The following LIPE variants were observed in gnomAD, a reference collection of about 807,000 sequenced individuals.
LIPE encodes the protein hormone-sensitive lipase.
LIPE carries 66 observed loss-of-function variants against 88.5 expected under a neutral mutation model. The ratio of observed to expected loss-of-function variants is 0.75; its 90% CI spans 0.61 to 0.91. The LOEUF (loss-of-function observed/expected upper bound fraction) is 0.91, where lower values mean the gene tolerates loss of function less well. Ranked by LOEUF, LIPE falls within the 40% of genes least tolerant of loss-of-function variation. LIPE has a pLI of 0.00. For missense variants in LIPE, 1,346 were observed against 1,434.7 expected (o/e 0.94, Z 1.00); for synonymous variants, 570 against 617.5 (o/e 0.92, Z 1.14).
Position 42,407,580 on chromosome 19 carries a change from G to A in LIPE, c.1842+26C>T. On this transcript the variant is annotated intron_variant, in intron 5 of 9. Transcript: ENST00000244289. This position sits in a 1 kb window ranked among gnomAD's most constrained non-coding sequence, Gnocchi z 5.8. The stretch of plus-strand genomic sequence containing the variant: ...GCCCACGCTCCTCGGCTCTGTCCCT[G>A]TCCCTGGCTGAGGCTGGAACCCTAC... 1 of 1,592,704 alleles carries A rather than the reference G, an allele frequency of 6.3e-7. No individual in the cohort carries two copies.
In LIPE at chr19:42,403,000, TGCTGCTTCAGACACACTGC is replaced by T; in HGVS notation, c.2555_2573del (p.Arg852HisfsTer17). 1 of 1,593,320 alleles carries T rather than the reference TGCTGCTTCAGACACACTGC, an allele frequency of 6.3e-7. No individual in the cohort carries two copies. The highest frequency in any genetic ancestry group is 1.3e-5 in the African/African-American group (1 of 74,712). On this transcript the variant is annotated frameshift_variant, in exon 9 of 10. Coordinates refer to ENST00000244289, the MANE Select transcript of LIPE (RefSeq NM_005357.4). LOFTEE classifies it high-confidence loss of function. ...CCAGTGGGCCCTGGGGCTGGGCCAGTGCTGCTTCAGACACACTGCGGCGCATCGGCTCTGAGAGAGGGAG... is the reference window on the plus strand; with the variant it reads ...CCAGTGGGCCCTGGGGCTGGGCCAGTGGCGCATCGGCTCTGAGAGAGGGAG...
At chr19:42,418,501 G>A (rs900479621) in intron 1 of LIPE, among the ~76,000 whole-genome samples, 4 of 152,160 alleles carry the variant, frequency 2.6e-5, no homozygotes, top group Non-Finnish European at 5.9e-5. Context: ...AGGATTTGCT[G>A]AAGGCTCAGA....
At chr19:42,413,238 T>A (rs1029169543) in intron 1 of LIPE, among the ~76,000 whole-genome samples, 1 of 152,266 alleles carries the variant, frequency 6.6e-6, no homozygotes, top group African/African-American at 2.4e-5. Context: ...ATCCTGCCAT[T>A]TGACACTTTA....
chr19:42,410,481 G>A lies in LIPE; in HGVS notation c.1245C>T (p.Tyr415=). The change falls in exon 2 of 10, where the codon TAC becomes TAT. Residue 415 remains tyrosine (Y), a synonymous_variant. Transcript: ENST00000244289. This position sits in a 1 kb window ranked among gnomAD's most constrained non-coding sequence, Gnocchi z 6.1. ...TSHNLAELEA[Y]LAALTQLRAL... ...CGCGGAGCTGGGTGAGGGCAGCCAG[G>A]TAGGCCTCCAGCTCGGCCAGGTTGT... The A allele has an allele frequency of 1.2e-6, 2 of 1,614,036 alleles. No individual in the cohort carries two copies. The highest frequency in any genetic ancestry group is 1.7e-6 in the Non-Finnish European group (2 of 1,180,032).
chr19:42,405,816 T>C, intron 7 of LIPE: 1 of 549,718 alleles, frequency 1.8e-6, no homozygotes, highest in Non-Finnish European at 3.2e-6. Context: ...TAGCTGGGCG[T>C]GGTAGTGGTG....
chr19:42,426,450 A>G lies in LIPE; in HGVS notation c.700T>C (p.Ser234Pro), dbSNP rs771107352. ...ALSEWVTDSE[S>P]ESDVGSSSDT... is the part of the protein sequence containing the mutation. ...GAAGATGATCCCACATCTGATTCTG[A>G]CTCAGAATCTGTGACCCACTCAGAA... The change falls in exon 1 of 10, where the codon TCA becomes CCA. Residue 234 changes from serine to proline, a missense_variant. Physicochemically the swap from Ser to Pro is moderately conservative, Grantham distance 74. Coordinates refer to ENST00000244289, the MANE Select transcript of LIPE (RefSeq NM_005357.4). 1.5e-5 allele frequency: 24 copies of G among 1,613,750 alleles called. No homozygotes were observed. In the Admixed American group the frequency reaches 3.2e-4, roughly 21 times the overall value.
intron 1 of LIPE, chr19:42,412,678 C>A: frequency 1.9e-6 from 1 of 519,746 alleles, no homozygotes; most frequent in African/African-American, 2.1e-5. Context: ...AGTCCAGGCC[C>A]CCAGCCCCTT....
At position 42,407,744 on chromosome 19, in the gene LIPE, G is replaced by A; in HGVS notation, c.1704C>T (p.Leu568=). The part of the protein sequence containing the change: ...ASATVRVSRL[L]SLPPEAFEMP... ...TCTCAAAGGCTTCGGGTGGCAGGCT[G>A]AGCAGGCGGCTTACCCTCACGGTGG... Residue 568 remains leucine (L), a synonymous_variant, in exon 5 of 10, where the codon CTC becomes CTT. Transcript: ENST00000244289. This position sits in a 1 kb window ranked among gnomAD's most constrained non-coding sequence, Gnocchi z 5.8. The A allele has an allele frequency of 1.9e-6, 3 of 1,563,210 alleles. No individual in the cohort carries two copies. The highest frequency in any genetic ancestry group is 2.6e-6 in the Non-Finnish European group (3 of 1,155,150).
Position 42,401,938 on chromosome 19 carries a change from C to T in LIPE, c.3105G>A (p.Glu1035=). 3 of 1,556,368 alleles carry T rather than the reference C, an allele frequency of 1.9e-6. No individual in the cohort carries two copies. Among genetic ancestry groups the T allele is most frequent in the South Asian group, 1.2e-5 (1 of 84,674 alleles). ...CGCACAGCTCTGCGGCCTGGCGCGT[C>T]TCGCGGCACAGCGCCGCTAGGGTCA... ...GFLTLAALCR[E]TRQAAELCVE... The change falls in exon 10 of 10, where the codon GAG becomes GAA. Residue 1035 remains glutamate, a synonymous_variant. Transcript: ENST00000244289.
rs2040176007 is a variant in LIPE, at chr19:42,406,151, TG to T, written c.2365+9del. On this transcript the variant is annotated intron_variant, in intron 7 of 9. Transcript: ENST00000244289. This position sits in a 1 kb window ranked among gnomAD's most constrained non-coding sequence, Gnocchi z 5.7. ...CAGTCCTGTTTCCCTGCTGAGGGTG[TG>T]GGCCTCACCAGCATAGGCGCTGACA... 1 of 1,592,454 alleles carries T rather than the reference TG, an allele frequency of 6.3e-7. No individual in the cohort carries two copies. The highest frequency in any genetic ancestry group is 8.6e-7 in the Non-Finnish European group (1 of 1,162,666).
At chr19:42,415,537 A>G (rs965417015) in intron 1 of LIPE, among the ~76,000 whole-genome samples, 4 of 152,196 alleles carry the variant, frequency 2.6e-5, no homozygotes, top group Non-Finnish European at 4.4e-5. Flanking sequence ...TTAGCTGGGC[A>G]TGGTGGCTCA....
At chr19:42,415,775 A>G (rs2040474330) in intron 1 of LIPE, among the ~76,000 whole-genome samples, 1 of 151,230 alleles carries the variant, frequency 6.6e-6, no homozygotes, top group Non-Finnish European at 1.5e-5. Flanking sequence ...GCGCCACTGC[A>G]CTCCAGCCTG....
At chr19:42,405,778 T>G in intron 7 of LIPE, 1 of 574,414 alleles carries the variant, frequency 1.7e-6, no homozygotes, top group Non-Finnish European at 3.1e-6. Context: ...AAGACCAGCC[T>G]GGGCAACATA....
chr19:42,404,646 A>G (rs2040110729), intron 8 of LIPE, among the ~76,000 whole-genome samples: 1 of 152,076 alleles, frequency 6.6e-6, no homozygotes, highest in Non-Finnish European at 1.5e-5. Flanking sequence ...TTATGGGCGT[A>G]AGCCACCACA....
chr19:42,411,208 G>T (rs544689859), intron 1 of LIPE: 190 of 663,974 alleles, frequency 2.9e-4, no homozygotes, highest in Non-Finnish European at 2.6e-4. Flanking sequence ...TGCTGCCCTG[G>T]CCTCCTGAAT....
chr19:42,404,136 C>T (rs1202720768), intron 8 of LIPE, among the ~76,000 whole-genome samples: 4 of 150,792 alleles, frequency 2.7e-5, no homozygotes, highest in Non-Finnish European at 4.4e-5. Context: ...GCGATCTCGG[C>T]TCACTGTAAC....
chr19:42,408,342 C>A lies in LIPE; in HGVS notation c.1420-20G>T. 6.3e-7 allele frequency: 1 copy of A among 1,597,012 alleles called. No homozygotes were observed. Among genetic ancestry groups the A allele is most frequent in the Non-Finnish European group, 8.6e-7 (1 of 1,164,774 alleles). ...CGTGAACTGTGGAGAGACGCGGCTG[C>A]GTCACCCACCGCTCAAGAGAGGGAT... is the stretch of plus-strand genomic sequence containing the variant. On this transcript the variant is annotated intron_variant, in intron 2 of 9. Transcript: ENST00000244289. This position sits in a 1 kb window ranked among gnomAD's most constrained non-coding sequence, Gnocchi z 4.3.
At chr19:42,420,152 A>G (rs1327103396) in intron 1 of LIPE, among the ~76,000 whole-genome samples, 1 of 152,104 alleles carries the variant, frequency 6.6e-6, no homozygotes, top group African/African-American at 2.4e-5. Context: ...ATTGAGGCAC[A>G]GAAAGGTGAC....
chr19:42,405,051 A>G (rs963631420), intron 8 of LIPE, among the ~76,000 whole-genome samples: 1 of 151,810 alleles, frequency 6.6e-6, no homozygotes, highest in African/African-American at 2.4e-5. Context: ...ATTTTTTTGT[A>G]GAGAAGGGGT....
Sources: allele counts gnomAD v4.1 joint callset (sites outside exome capture counted in the v4.1 genomes callset), GRCh38; gene constraint gnomAD v4.1.1; non-coding constraint Gnocchi (gnomAD v3.1); transcripts MANE v1.5; gene names NCBI Gene and HGNC (gene_info 2026-07-23, HGNC 2026-07-21).